The following MCTP1 variants were observed in gnomAD, a reference collection of about 807,000 sequenced individuals.
MCTP1 encodes multiple C2 and transmembrane domain containing 1, also known as multiple C2 and transmembrane domain-containing protein 1.
In MCTP1, 69 loss-of-function variants were observed where a neutral mutation model predicts 120.6. The observed-to-expected ratio is 0.57, with a 90% CI of 0.47 to 0.70. The LOEUF is 0.70. MCTP1 is among the 30% of genes least tolerant of loss of function. MCTP1 has a pLI of 0.00. For missense variants in MCTP1, 1,203 were observed against 1,248.8 expected (o/e 0.96, Z 0.55); for synonymous variants, 529 against 493.1 (o/e 1.07, Z -0.96).
At chr5:94,911,889 T>C (rs1356710490) in intron 9 of MCTP1, among the ~76,000 whole-genome samples, 1 of 152,190 alleles carries the variant, frequency 6.6e-6, no homozygotes, top group African/African-American at 2.4e-5. Flanking sequence ...TGAGTGATTA[T>C]GGACAAGGCA....
At chr5:94,782,296 A>C (rs569909410) in intron 18 of MCTP1, among the ~76,000 whole-genome samples, 107 of 152,292 alleles carry the variant, frequency 7.0e-4, no homozygotes, top group African/African-American at 2.5e-3. Context: ...AATGACACAC[A>C]AAATTCTGAT....
At chr5:95,049,288 C>G (rs1745312552) in intron 1 of MCTP1, among the ~76,000 whole-genome samples, 1 of 152,112 alleles carries the variant, frequency 6.6e-6, no homozygotes, top group Admixed American at 6.6e-5. Flanking sequence ...GAACAACACT[C>G]TCATTCAAGG....
chr5:95,269,810 C>G (rs1158564204), intron 1 of MCTP1, among the ~76,000 whole-genome samples: 1 of 152,210 alleles, frequency 6.6e-6, no homozygotes, highest in African/African-American at 2.4e-5. Context: ...GTTACTTAGC[C>G]TCTCTAAGAA....
intron 2 of MCTP1, among the ~76,000 whole-genome samples, chr5:94,970,833 A>T (rs531927171): frequency 1.3e-5 from 2 of 150,866 alleles, no homozygotes; most frequent in East Asian, 3.9e-4. Flanking sequence ...ACCCTAAAGT[A>T]TTACGCCTCT....
chr5:94,857,460 G>A (rs753488122), intron 17 of MCTP1, among the ~76,000 whole-genome samples: 21 of 151,670 alleles, frequency 1.4e-4, no homozygotes, highest in Non-Finnish European at 3.0e-5. Flanking sequence ...TATGCCTTCA[G>A]TGCCTTTGGA....
At chr5:95,193,864 T>TTGTAGGC (rs1750091009) in intron 1 of MCTP1, among the ~76,000 whole-genome samples, 1 of 152,152 alleles carries the variant, frequency 6.6e-6, no homozygotes, top group South Asian at 2.1e-4. Context: ...AAGAACCCCC[T>TTGTAGGC]ATAAAGTAAG....
At chr5:94,847,700 A>ATG in intron 17 of MCTP1, among the ~76,000 whole-genome samples, 1 of 148,132 alleles carries the variant, frequency 6.8e-6, no homozygotes, top group Admixed American at 6.8e-5. Flanking sequence ...ATATATATAT[A>ATG]TATATGTATG....
chr5:94,852,044 A>T (rs1256505459), intron 17 of MCTP1, among the ~76,000 whole-genome samples: 1 of 151,948 alleles, frequency 6.6e-6, no homozygotes, highest in Non-Finnish European at 1.5e-5. Context: ...ATGGTTCTCT[A>T]TAATTAAATT....
At chr5:95,134,822 C>T (rs1759308837) in intron 1 of MCTP1, among the ~76,000 whole-genome samples, 1 of 151,912 alleles carries the variant, frequency 6.6e-6, no homozygotes. Flanking sequence ...TAATTTACTA[C>T]AGAAGATAAT....
chr5:95,042,434 G>C (rs737002), intron 1 of MCTP1, among the ~76,000 whole-genome samples: 14,330 of 152,154 alleles, frequency 0.094, 1,026 homozygotes, highest in East Asian at 0.37. Flanking sequence ...TATGGATAGT[G>C]ATAAGCAAGC....
Position 94,870,438 on chromosome 5 carries a change from C to G in MCTP1, c.2295G>C (p.Glu765Asp), listed in dbSNP as rs764631838. ...TTACCTGTTTAGAGAGTCTGTTTTC[C>G]TCTTCAATGTACTTCTGTTCTTTGG... Reference protein sequence around the residue: ...LIPKEQKYIEEENRLSKQLLL... With the variant: ...LIPKEQKYIEDENRLSKQLLL... The change falls in exon 16 of 23, where the codon GAG becomes GAC. Residue 765 changes from glutamate to aspartate, a missense_variant. Physicochemically the swap from Glu to Asp is conservative, Grantham distance 45 (BLOSUM62 2). Around this residue, in one of 2 missense-constraint regions of MCTP1, gnomAD observed 740 missense variants for 871.1 expected, o/e 0.85. Coordinates refer to ENST00000515393, the MANE Select transcript of MCTP1 (RefSeq NM_024717.7). 1 of 1,611,694 alleles carries G rather than the reference C, an allele frequency of 6.2e-7. No homozygotes were observed. Among genetic ancestry groups the G allele is most frequent in the Non-Finnish European group, 8.5e-7 (1 of 1,178,256 alleles).
chr5:94,766,146 C>A (rs1292529948), intron 19 of MCTP1, among the ~76,000 whole-genome samples: 2 of 152,166 alleles, frequency 1.3e-5, no homozygotes, highest in Admixed American at 1.3e-4. Context: ...ATTCAGGAAG[C>A]TGAGGCAGGA....
chr5:94,710,619 C>A, intron 21 of MCTP1, 199 bp downstream of exon 21: 1 of 496,354 alleles, frequency 2.0e-6, no homozygotes, highest in Non-Finnish European at 3.5e-6. Flanking sequence ...GCCTAGTGTG[C>A]CAGATAAGAA....
chr5:95,081,576 G>A, intron 1 of MCTP1: 1 of 1,495,704 alleles, frequency 6.7e-7, no homozygotes, highest in Non-Finnish European at 8.9e-7. Context: ...AAAAGAGGCT[G>A]TTCACCTCCA....
chr5:95,085,521 A>C (rs1755365404), intron 1 of MCTP1, among the ~76,000 whole-genome samples: 1 of 151,528 alleles, frequency 6.6e-6, no homozygotes, highest in Non-Finnish European at 1.5e-5. Flanking sequence ...CTATTAATGG[A>C]CATTTAAGTT....
intron 2 of MCTP1, among the ~76,000 whole-genome samples, chr5:94,993,246 C>T (rs920477053): frequency 6.6e-6 from 1 of 152,138 alleles, no homozygotes; most frequent in Non-Finnish European, 1.5e-5. Flanking sequence ...CAGCAGTCTA[C>T]ACTTTAAAAA....
intron 1 of MCTP1, among the ~76,000 whole-genome samples, chr5:95,069,700 CTT>C (rs35136173): frequency 9.4e-5 from 13 of 138,178 alleles, no homozygotes; most frequent in African/African-American, 1.1e-4. Context: ...CCCTTCTGCC[CTT>C]TTTTTTTTTT....
chr5:94,862,089 T>C (rs1270693384), intron 17 of MCTP1, among the ~76,000 whole-genome samples: 1 of 151,876 alleles, frequency 6.6e-6, no homozygotes, highest in African/African-American at 2.4e-5. Flanking sequence ...ATAATAGCAC[T>C]ATACCTGAGA....
chr5:95,160,230 G>A (rs1387409412), intron 1 of MCTP1, among the ~76,000 whole-genome samples: 2 of 152,150 alleles, frequency 1.3e-5, no homozygotes, highest in Non-Finnish European at 1.5e-5. Flanking sequence ...GTTATCCTGG[G>A]TGAGAAATGA....
Sources: gnomAD v4.1 joint callset for allele counts (sites outside exome capture counted in the v4.1 genomes callset) on GRCh38, gnomAD v4.1.1 for gene constraint, gnomAD v4.1.1 regional missense constraint, MANE v1.5 for transcripts, NCBI Gene and HGNC (gene_info 2026-07-23, HGNC 2026-07-21) for gene names.